RARB: variants seen among roughly 807,000 people sequenced by gnomAD.
The protein encoded by RARB is retinoic acid receptor beta.
Under a neutral mutation model 51.9 loss-of-function variants are expected in RARB, and 17 were observed. That is an observed-to-expected ratio of 0.33 (90% CI 0.22 to 0.49). RARB has a LOEUF of 0.49. RARB is among the 20% of genes least tolerant of loss of function. The probability of loss-of-function intolerance (pLI) is 0.99; values close to 1 mark genes in which losing one functional copy is unlikely to be tolerated. For synonymous variants in RARB, 215 were observed against 195.4 expected, an observed-to-expected ratio of 1.10 and a Z score of -0.84; for missense variants, 369 against 550.8, an observed-to-expected ratio of 0.67 and a Z score of 3.30.
At chr3:25,126,359 G>C (rs1331180148) in intron 3 of RARB, among the ~76,000 whole-genome samples, 1 of 152,050 alleles carries the variant, frequency 6.6e-6, no homozygotes, top group East Asian at 1.9e-4. Flanking sequence ...GAAAGGGAAA[G>C]AAATCTAGTC....
At chr3:25,037,690 C>A (rs1160793522) in intron 2 of RARB, among the ~76,000 whole-genome samples, 1 of 151,982 alleles carries the variant, frequency 6.6e-6, no homozygotes, top group Non-Finnish European at 1.5e-5. Context: ...AGCTGAAGAG[C>A]AAGTGTACAG....
chr3:24,912,829 G>C (rs13067108), intron 2 of RARB, among the ~76,000 whole-genome samples: 1 of 151,736 alleles, frequency 6.6e-6, no homozygotes, highest in Non-Finnish European at 1.5e-5. Flanking sequence ...GTGTATAAGA[G>C]AAATGTTTTT....
At chr3:24,935,542 T>A (rs1322113567) in intron 2 of RARB, among the ~76,000 whole-genome samples, 2 of 152,198 alleles carry the variant, frequency 1.3e-5, no homozygotes, top group Non-Finnish European at 2.9e-5. Context: ...TTTAAAAATC[T>A]GTTGTGTTAA....
chr3:25,578,504 T>C (rs2125301962), intron 4 of RARB, among the ~76,000 whole-genome samples: 1 of 152,344 alleles, frequency 6.6e-6, no homozygotes, highest in East Asian at 1.9e-4. Context: ...TACTCTATTG[T>C]AAAATGATTT....
intron 2 of RARB, among the ~76,000 whole-genome samples, chr3:25,488,915 CTG>C (rs1361748626): frequency 6.6e-6 from 1 of 151,964 alleles, no homozygotes; most frequent in African/African-American, 2.4e-5. Context: ...ATTACGGAGA[CTG>C]TTTTTCCCCT....
intron 5 of RARB, among the ~76,000 whole-genome samples, chr3:25,314,423 G>C (rs1228444730): frequency 1.3e-5 from 2 of 152,092 alleles, no homozygotes; most frequent in African/African-American, 4.8e-5. Context: ...TCAATTGTGG[G>C]AAAACCTCTA....
chr3:24,996,797 C>A (rs993522887), intron 2 of RARB, among the ~76,000 whole-genome samples: 13 of 151,818 alleles, frequency 8.6e-5, no homozygotes, highest in Admixed American at 5.3e-4. Flanking sequence ...CTAGTTTTAT[C>A]CCATTGTGGT....
chr3:25,088,273 A>G (rs1045524490), intron 3 of RARB, among the ~76,000 whole-genome samples: 20 of 152,102 alleles, frequency 1.3e-4, no homozygotes, highest in Admixed American at 9.2e-4. Context: ...CACCATGTCT[A>G]ATTCTTCATA....
chr3:24,930,545 C>T (rs189616503), intron 2 of RARB, among the ~76,000 whole-genome samples: 14 of 152,222 alleles, frequency 9.2e-5, no homozygotes, highest in Middle Eastern at 3.4e-3. Flanking sequence ...TCTCCTTCAA[C>T]GTTTTATCCC....
At chr3:24,840,041 A>G (rs1274166478) in intron 1 of RARB, among the ~76,000 whole-genome samples, 1 of 152,178 alleles carries the variant, frequency 6.6e-6, no homozygotes, top group Non-Finnish European at 1.5e-5. Context: ...CACTCACCAG[A>G]TAAATGACCT....
chr3:25,377,925 C>T (rs1706512255), intron 5 of RARB, among the ~76,000 whole-genome samples: 1 of 152,124 alleles, frequency 6.6e-6, no homozygotes. Flanking sequence ...ATATTATTCC[C>T]ATATTACTGC....
chr3:25,081,621 A>ATTTTTTTTTTT, intron 3 of RARB, among the ~76,000 whole-genome samples: 1 of 5,802 alleles, frequency 1.7e-4, no homozygotes, highest in African/African-American at 5.9e-4. Context: ...ATATATATAT[A>ATTTTTTTTTTT]TTTTTTTTTT....
chr3:24,946,604 C>G (rs1002425767), intron 2 of RARB, among the ~76,000 whole-genome samples: 2 of 152,102 alleles, frequency 1.3e-5, no homozygotes, highest in East Asian at 3.9e-4. Context: ...TGTGGTGGCT[C>G]ACATAGGTAA....
rs57081618 is a variant in RARB at position 25,494,253 on chromosome 3, G to GCACA, written c.307-6906_307-6903dup. ...GCCCCCTTTTCCAGCTGTATCTTAC[G>GCACA]CACACACACACACACACACACACAC... On this transcript the variant is annotated intron_variant, in intron 2 of 7. Coordinates refer to ENST00000330688, the MANE Select transcript of RARB (RefSeq NM_000965.5). 5.4e-3 allele frequency among the ~76,000 whole-genome samples: 713 copies of GCACA among 131,956 alleles called. 14 individuals are homozygous for GCACA. The highest frequency in any genetic ancestry group is 0.035 in the East Asian group (172 of 4,912). 86.6% of individuals were successfully genotyped at this position (131,956 alleles called of 152,430 possible).
chr3:25,556,162 C>T lies in RARB; in HGVS notation c.449-13596C>T, dbSNP rs923817431. ...AAATGACTCTCCAGAGAAATAAATA[C>T]CTGAGAATTAAAGTTCTGTAGGCCA... is the stretch of plus-strand genomic sequence containing the variant. On this transcript the variant is annotated intron_variant, in intron 3 of 7. Transcript: ENST00000330688. 5.9e-5 allele frequency among the ~76,000 whole-genome samples: 9 copies of T among 152,040 alleles called. 1 individual carries two copies. Among genetic ancestry groups the T allele is most frequent in the Non-Finnish European group, 2.9e-5 (2 of 68,002 alleles).
intron 5 of RARB, among the ~76,000 whole-genome samples, chr3:25,195,506 A>G (rs1311850082): frequency 6.6e-6 from 1 of 151,974 alleles, no homozygotes. Context: ...TCAACTTCTG[A>G]ATTTATTCCA....
At chr3:24,839,535 GA>G (rs56392246) in intron 1 of RARB, among the ~76,000 whole-genome samples, 65,457 of 137,566 alleles carry the variant, frequency 0.48, 15,649 homozygotes, top group African/African-American at 0.63. Flanking sequence ...CCCTGTCTCT[GA>G]AAAAAAAAAA....
intron 2 of RARB, among the ~76,000 whole-genome samples, chr3:25,475,165 C>A (rs891399116): frequency 3.3e-5 from 5 of 152,118 alleles, no homozygotes; most frequent in African/African-American, 1.2e-4. Context: ...GTTTAAGATA[C>A]CTAAAAGAGT....
intron 2 of RARB, among the ~76,000 whole-genome samples, chr3:24,952,870 C>A (rs1034803457): frequency 4.9e-5 from 7 of 144,224 alleles, no homozygotes; most frequent in African/African-American, 1.5e-4. Flanking sequence ...AACAGTAAAA[C>A]TGGTATTTTT....
Sources: allele counts gnomAD v4.1 joint callset (sites outside exome capture counted in the v4.1 genomes callset), GRCh38; gene constraint gnomAD v4.1.1; transcripts MANE v1.5; gene names NCBI Gene and HGNC (gene_info 2026-07-23, HGNC 2026-07-21).